Variants in ASB3 observed in about 807,000 individuals in gnomAD.
ASB3 encodes ankyrin repeat and SOCS box protein 3.
A neutral mutation model predicts 54.5 loss-of-function variants in ASB3; 41 were observed. That is an observed-to-expected ratio of 0.75 (90% CI 0.59 to 0.98). The LOEUF is 0.98. Among genes scored for constraint, ASB3 ranks in the 50% least tolerant of loss-of-function variants. ASB3 has a pLI of 0.00. For synonymous variants in ASB3, 266 were observed against 221.2 expected, an observed-to-expected ratio of 1.20 and a Z score of -1.80; for missense variants, 733 against 620.0, an observed-to-expected ratio of 1.18 and a Z score of -1.94.
chr2:53,726,255 A>G (rs866614894), intron 5 of ASB3, among the ~76,000 whole-genome samples: 14 of 145,810 alleles, frequency 9.6e-5, no homozygotes, highest in Middle Eastern at 3.4e-3. Flanking sequence ...TATTTAATCT[A>G]AATTTTTTTT....
intron 9 of ASB3, among the ~76,000 whole-genome samples, chr2:53,682,899 T>C (rs550805488): frequency 2.0e-5 from 3 of 152,368 alleles, no homozygotes; most frequent in South Asian, 2.1e-4. Flanking sequence ...TTTTTCCAAA[T>C]ATAAAATCAT....
intron 1 of ASB3, chr2:53,772,058 T>C: frequency 1.6e-6 from 1 of 637,444 alleles, no homozygotes; most frequent in Non-Finnish European, 2.6e-6. Flanking sequence ...AAATTTAGAA[T>C]TCTTCTCTGT....
At chr2:53,680,812 T>C (rs1668330265) in intron 9 of ASB3, among the ~76,000 whole-genome samples, 1 of 152,094 alleles carries the variant, frequency 6.6e-6, no homozygotes, top group African/African-American at 2.4e-5. Flanking sequence ...ATCAAATAGA[T>C]CTTATTCATT....
intron 1 of ASB3, among the ~76,000 whole-genome samples, chr2:53,770,379 G>C (rs918580116): frequency 6.6e-5 from 10 of 151,902 alleles, no homozygotes; most frequent in Non-Finnish European, 1.3e-4. Context: ...GGCTCGCTAT[G>C]TGCCAGACAT....
intron 2 of ASB3, among the ~76,000 whole-genome samples, chr2:53,761,505 C>A (rs1182182378): frequency 1.3e-5 from 2 of 152,154 alleles, no homozygotes; most frequent in Non-Finnish European, 2.9e-5. Flanking sequence ...TACTGGAGAT[C>A]CTGATCCTCA....
At chr2:53,724,256 T>A (rs1670868042) in intron 5 of ASB3, among the ~76,000 whole-genome samples, 1 of 152,136 alleles carries the variant, frequency 6.6e-6, no homozygotes, top group African/African-American at 2.4e-5. Context: ...ATATCTAGAA[T>A]CTATAAGGAA....
At position 53,714,276 on chromosome 2, in the gene ASB3, T is replaced by A. The variant is rs143067575; in HGVS notation, c.980+108A>T. 1.8e-3 allele frequency: 2,505 copies of A among 1,362,280 alleles called. 40 individuals carry two copies. In the African/African-American group the frequency reaches 0.033, roughly 18 times the overall value. The allele number at this position is 1,362,280 out of a possible 1,614,324, so 84.4% of individuals were successfully genotyped here. A position where few individuals can be genotyped will look rare whatever the true frequency, so the allele number is the denominator to read the frequency against. ...CCTATTTGTGTTCCAAGATAGCAAT[T>A]TAGCACTAACAGAGATACTAAGTTT... is the stretch of plus-strand genomic sequence containing the variant. On this transcript the variant is annotated intron_variant, in intron 7 of 9. Coordinates refer to ENST00000263634, the MANE Select transcript of ASB3 (RefSeq NM_016115.5).
At chr2:53,729,377 C>A in intron 4 of ASB3, 81 bp downstream of exon 4, 1 of 1,442,962 alleles carries the variant, frequency 6.9e-7, no homozygotes, top group South Asian at 1.2e-5. Flanking sequence ...AAGCAGAAAG[C>A]AAAAACTGCA....
At chr2:53,720,488 A>G (rs1348892981) in intron 5 of ASB3, among the ~76,000 whole-genome samples, 2 of 152,184 alleles carry the variant, frequency 1.3e-5, no homozygotes, top group African/African-American at 4.8e-5. Flanking sequence ...ACAACAGTAC[A>G]AAAGGACAAA....
At chr2:53,749,248 G>A (rs1672392087) in intron 3 of ASB3, among the ~76,000 whole-genome samples, 1 of 152,032 alleles carries the variant, frequency 6.6e-6, no homozygotes, top group Admixed American at 6.6e-5. Flanking sequence ...AAACCACAGT[G>A]AGATACTACT....
At chr2:53,776,847 C>T (rs1674367424) in intron 1 of ASB3, among the ~76,000 whole-genome samples, 1 of 152,054 alleles carries the variant, frequency 6.6e-6, no homozygotes, top group African/African-American at 2.4e-5. Context: ...CTTGAATTCA[C>T]TCTAAGCATA....
intron 7 of ASB3, among the ~76,000 whole-genome samples, chr2:53,703,528 G>A (rs1210094157): frequency 6.6e-6 from 1 of 152,228 alleles, no homozygotes. Flanking sequence ...GACCTCATAA[G>A]TTTGAGGCTG....
intron 1 of ASB3, chr2:53,767,699 A>T: frequency 1.5e-6 from 1 of 664,746 alleles, no homozygotes; most frequent in Admixed American, 3.0e-5. Context: ...CAAGGAAATA[A>T]AATAAAGCTG....
In ASB3 at chr2:53,716,363, C is replaced by T. The variant is rs1447434591; in HGVS notation, c.782+203G>A. 5.9e-5 allele frequency among the ~76,000 whole-genome samples: 9 copies of T among 152,014 alleles called. No homozygotes were observed. The East Asian group carries it at 1.7e-3, about 29-fold the overall frequency. On this transcript the variant is annotated intron_variant, in intron 6 of 9. Transcript: ENST00000263634. ...TGAGCCTACCCAGTCTGTAGCAATT[C>T]TGCCTCACAATATGAAAGTGCAGGA...
At chr2:53,682,638 G>T (rs998567338) in intron 9 of ASB3, among the ~76,000 whole-genome samples, 1 of 151,682 alleles carries the variant, frequency 6.6e-6, no homozygotes, top group Non-Finnish European at 1.5e-5. Context: ...CACCACGCCC[G>T]GCTAATTTTT....
At chr2:53,711,302 C>T (rs1670081905) in intron 7 of ASB3, among the ~76,000 whole-genome samples, 1 of 152,166 alleles carries the variant, frequency 6.6e-6, no homozygotes, top group Non-Finnish European at 1.5e-5. Context: ...TTACCTGATT[C>T]CTCTGACCAG....
intron 3 of ASB3, among the ~76,000 whole-genome samples, chr2:53,739,335 G>T (rs900639336): frequency 6.6e-6 from 1 of 152,140 alleles, no homozygotes; most frequent in Non-Finnish European, 1.5e-5. Flanking sequence ...CCCATGTGAA[G>T]ATTTCATGAA....
In ASB3 at chr2:53,733,362, G is replaced by A. The variant is rs144526983; in HGVS notation, c.356-3792C>T. Among the ~76,000 whole-genome samples the A allele has an allele frequency of 1.1e-3, 164 of 151,328 alleles. No individual in the cohort carries two copies. The Middle Eastern group carries it at 0.024, about 22-fold the overall frequency. On this transcript the variant is annotated intron_variant, in intron 3 of 9. Coordinates refer to ENST00000263634, the MANE Select transcript of ASB3 (RefSeq NM_016115.5). ...ACTTGATTTACTTATTATTTTTTCC[G>A]TATCTCATGAGAAGAAGCAGGCTTC...
intron 1 of ASB3, 139 bp from the exon 2 acceptor site, chr2:53,765,724 C>T (rs907195473): frequency 4.0e-5 from 40 of 992,704 alleles, no homozygotes; most frequent in Non-Finnish European, 5.2e-5. Context: ...AAAGTGACTG[C>T]CATGCCACAG....
Sources: allele counts gnomAD v4.1 joint callset (sites outside exome capture counted in the v4.1 genomes callset), GRCh38; gene constraint gnomAD v4.1.1; transcripts MANE v1.5; gene names NCBI Gene and HGNC (gene_info 2026-07-23, HGNC 2026-07-21).